The following CFAP58 variants were observed in gnomAD, a reference collection of about 807,000 sequenced individuals.
CFAP58 encodes cilia and flagella associated protein 58.
Under a neutral mutation model 119.5 loss-of-function variants are expected in CFAP58, and 88 were observed. The observed-to-expected ratio is 0.74, with a 90% CI of 0.62 to 0.88. The LOEUF (loss-of-function observed/expected upper bound fraction) is 0.88. CFAP58 is among the 40% of genes least tolerant of loss of function. The pLI is 0.00. For synonymous variants in CFAP58, 365 were observed against 366.3 expected, an observed-to-expected ratio of 1.00 and a Z score of 0.04; for missense variants, 990 against 1,021.2, an observed-to-expected ratio of 0.97 and a Z score of 0.42.
chr10:104,383,697 A>G lies in CFAP58; in HGVS notation c.1365+3477A>G, dbSNP rs1308550308. On this transcript the variant is annotated intron_variant, in intron 9 of 17. Transcript: ENST00000369704. ...CAACTTGTGCATCTCTGGACTTCTT[A>G]AGGATATGTATGTCTCTTTGTCCTC... 5.3e-5 allele frequency among the ~76,000 whole-genome samples: 8 copies of G among 151,902 alleles called. No homozygotes were observed. In the East Asian group the frequency reaches 1.5e-3, roughly 29 times the overall value.
At chr10:104,366,546 T>C (rs1413223315) in intron 5 of CFAP58, among the ~76,000 whole-genome samples, 1 of 152,258 alleles carries the variant, frequency 6.6e-6, no homozygotes, top group Non-Finnish European at 1.5e-5. Context: ...GATATATTCA[T>C]GTTGTTGCCA....
intron 15 of CFAP58, among the ~76,000 whole-genome samples, chr10:104,420,751 A>ATTTTTTTTTT (rs66462966): frequency 1.6e-5 from 2 of 121,624 alleles, no homozygotes; most frequent in African/African-American, 3.2e-5. Context: ...TTTATATTTG[A>ATTTTTTTTTT]TTTTTTTTTT....
rs374860819 is a variant in CFAP58, at chr10:104,376,929, C to G, written c.1173+36C>G. On this transcript the variant is annotated intron_variant, in intron 8 of 17. Coordinates refer to ENST00000369704, the MANE Select transcript of CFAP58 (RefSeq NM_001008723.2). ...TACAGTCACACTGGTAAATAAATGTCTTTCTTCAGCACTGTAATATCTGGC... is the reference window on the plus strand; with the variant it reads ...TACAGTCACACTGGTAAATAAATGTGTTTCTTCAGCACTGTAATATCTGGC... 33 of 1,510,188 alleles carry G rather than the reference C, an allele frequency of 2.2e-5. No homozygotes were observed. In the African/African-American group the frequency reaches 4.4e-4, roughly 20 times the overall value. 93.5% of individuals were successfully genotyped at this position (1,510,188 alleles called of 1,614,324 possible). A position where few individuals can be genotyped will look rare whatever the true frequency, so the allele number is the denominator to read the frequency against.
chr10:104,428,102 A>G (rs1213821462), intron 15 of CFAP58, among the ~76,000 whole-genome samples: 1 of 152,172 alleles, frequency 6.6e-6, no homozygotes, highest in African/African-American at 2.4e-5. Context: ...GGTTGTTTGT[A>G]GGATCTGGCA....
chr10:104,342,373 A>T, the CFAP58 span, among the ~76,000 whole-genome samples: 1 of 152,234 alleles, frequency 6.6e-6, no homozygotes, highest in Non-Finnish European at 1.5e-5. Flanking sequence ...GGCTGAACAG[A>T]ACATTGTTAT....
chr10:104,364,917 A>G (rs1373539304), intron 4 of CFAP58, 28 bp downstream of exon 4: 6 of 1,601,344 alleles, frequency 3.7e-6, no homozygotes, highest in Admixed American at 1.8e-5. Context: ...AGAAGAAGGA[A>G]TATTTCCTTC....
chr10:104,400,978 C>CT, intron 13 of CFAP58, 75 bp downstream of exon 13: 1 of 1,022,586 alleles, frequency 9.8e-7, no homozygotes, highest in Non-Finnish European at 1.5e-6. Flanking sequence ...CGTAGTCATG[C>CT]TTGTTGCTCA....
At chr10:104,344,469 G>A in the CFAP58 span, among the ~76,000 whole-genome samples, 4 of 152,124 alleles carry the variant, frequency 2.6e-5, no homozygotes, top group East Asian at 7.7e-4. Context: ...GTGGTCTATG[G>A]CTGCTCTGGG....
At chr10:104,339,527 T>C in the CFAP58 span, among the ~76,000 whole-genome samples, 1 of 152,210 alleles carries the variant, frequency 6.6e-6, no homozygotes, top group Admixed American at 6.5e-5. Context: ...TGAAGGCACA[T>C]TGGGGAAATT....
chr10:104,391,560 G>A (rs1429324101), intron 9 of CFAP58, among the ~76,000 whole-genome samples: 1 of 152,172 alleles, frequency 6.6e-6, no homozygotes, highest in Admixed American at 6.5e-5. Flanking sequence ...GAGTCATGAT[G>A]ACGTCATTGC....
chr10:104,348,400 C>T, the CFAP58 span, among the ~76,000 whole-genome samples: 1 of 152,174 alleles, frequency 6.6e-6, no homozygotes, highest in Non-Finnish European at 1.5e-5. Context: ...GTTCTTATTA[C>T]TGTGTTACAG....
At position 104,393,477 on chromosome 10, in the gene CFAP58, T is replaced by G; in HGVS notation, c.1674+2T>G. The G allele has an allele frequency of 6.2e-7, 1 of 1,610,650 alleles. No homozygotes were observed. The highest frequency in any genetic ancestry group is 8.5e-7 in the Non-Finnish European group (1 of 1,177,588). The stretch of plus-strand genomic sequence containing the variant: ...GAAAAGGAAAAGGAAACATTGAAGG[T>G]ACTGACCTCATAGTAAAAGCAAAGT... On this transcript the variant is annotated splice_donor_variant, in intron 11 of 17. Coordinates refer to ENST00000369704, the MANE Select transcript of CFAP58 (RefSeq NM_001008723.2). LOFTEE classifies it high-confidence loss of function.
At chr10:104,387,839 A>G (rs893272016) in intron 9 of CFAP58, among the ~76,000 whole-genome samples, 1 of 152,204 alleles carries the variant, frequency 6.6e-6, no homozygotes, top group Non-Finnish European at 1.5e-5. Context: ...CAGACATTTT[A>G]TATGCCAGAA....
chr10:104,381,995 ATT>A, intron 9 of CFAP58: 1 of 654,024 alleles, frequency 1.5e-6, no homozygotes, highest in South Asian at 1.7e-5. Context: ...TAGCTTCTGT[ATT>A]CATCAGTTTA....
chr10:104,358,436 T>A lies in CFAP58; in HGVS notation c.105T>A (p.Ser35Arg), dbSNP rs1391379770. Residue 35 changes from serine to arginine, a missense_variant, in exon 2 of 18, where the codon AGT becomes AGA. Coordinates refer to ENST00000369704, the MANE Select transcript of CFAP58 (RefSeq NM_001008723.2). ...TCCATGAACTTTCTGGAGACAAAAG[T>A]TTGGAAAAATTTCGGATTGAATATG... ...GVLHELSGDK[S>R]LEKFRIEYER... 6.8e-6 allele frequency: 11 copies of A among 1,613,856 alleles called. No individual in the cohort carries two copies. The highest frequency in any genetic ancestry group is 1.3e-5 in the African/African-American group (1 of 74,874).
At chr10:104,453,919 T>A (rs2013235588) in intron 17 of CFAP58, among the ~76,000 whole-genome samples, 1 of 152,174 alleles carries the variant, frequency 6.6e-6, no homozygotes, top group South Asian at 2.1e-4. Context: ...TTTCTAGTAA[T>A]AATGGTTGCT....
intron 15 of CFAP58, among the ~76,000 whole-genome samples, chr10:104,421,766 G>A (rs534439340): frequency 6.6e-6 from 1 of 152,348 alleles, no homozygotes; most frequent in South Asian, 2.1e-4. Flanking sequence ...GGAAGGTATA[G>A]GTAATAGTAG....
intron 17 of CFAP58, among the ~76,000 whole-genome samples, chr10:104,453,805 G>T (rs915006957): frequency 7.3e-6 from 1 of 137,880 alleles, no homozygotes; most frequent in Admixed American, 7.0e-5. Flanking sequence ...TGTATTTAAA[G>T]GACATCTATA....
chr10:104,356,469 A>G (rs1293985899), intron 1 of CFAP58, among the ~76,000 whole-genome samples: 1 of 152,216 alleles, frequency 6.6e-6, no homozygotes, highest in Non-Finnish European at 1.5e-5. Context: ...CCCTTTGTAG[A>G]GTAGAATATT....
Sources: gnomAD v4.1 joint callset for allele counts (sites outside exome capture counted in the v4.1 genomes callset) on GRCh38, gnomAD v4.1.1 for gene constraint, MANE v1.5 for transcripts, NCBI Gene and HGNC (gene_info 2026-07-23, HGNC 2026-07-21) for gene names.